DGKB: variants seen among roughly 807,000 people sequenced by gnomAD.
The protein encoded by DGKB is diacylglycerol kinase beta, also known as 90 kDa diacylglycerol kinase.
Under a neutral mutation model 114.3 loss-of-function variants are expected in DGKB, and 67 were observed. That is an observed-to-expected ratio of 0.59 (90% CI 0.48 to 0.72). DGKB has a LOEUF of 0.72. Among genes scored for constraint, DGKB ranks in the 30% least tolerant of loss-of-function variants. DGKB has a pLI of 0.00. For missense variants in DGKB, 907 were observed against 975.2 expected (o/e 0.93, Z 0.93); for synonymous variants, 398 against 323.1 (o/e 1.23, Z -2.49).
rs200551985 is a variant in DGKB at position 14,912,635 on chromosome 7, CATT to C, written c.-188+62058_-188+62060del. Among the ~76,000 whole-genome samples the C allele has an allele frequency of 6.9e-3, 1,048 of 152,246 alleles. 16 individuals carry two copies. Among genetic ancestry groups the C allele is most frequent in the African/African-American group, 0.024 (999 of 41,550 alleles). ...ATGTAGATTCAGCCACAAAATTCAT[CATT>C]ATTTCTTTCCTTAGCTGCAACAAAG... On this transcript the variant is annotated intron_variant, in intron 1 of 4. Coordinates refer to the DGKB transcript ENST00000437998.
chr7:14,688,694 G>A (rs1045569930), intron 9 of DGKB, among the ~76,000 whole-genome samples: 2 of 152,118 alleles, frequency 1.3e-5, no homozygotes, highest in Non-Finnish European at 2.9e-5. Context: ...ATGCTGAGAA[G>A]GAACTTTACA....
chr7:14,639,070 T>TAA (rs76586892), intron 13 of DGKB, among the ~76,000 whole-genome samples: 17 of 151,324 alleles, frequency 1.1e-4, no homozygotes, highest in African/African-American at 2.2e-4. Flanking sequence ...TTTATTAAAT[T>TAA]AAAAAAAACA....
At chr7:14,299,727 A>G (rs1803181704) in intron 23 of DGKB, among the ~76,000 whole-genome samples, 2 of 152,120 alleles carry the variant, frequency 1.3e-5, no homozygotes, top group African/African-American at 4.8e-5. Flanking sequence ...AAGAAGCCAC[A>G]GTGCATCAAC....
intron 23 of DGKB, among the ~76,000 whole-genome samples, chr7:14,273,614 T>C (rs1798576768): frequency 6.6e-6 from 1 of 152,218 alleles, no homozygotes; most frequent in African/African-American, 2.4e-5. Flanking sequence ...ATTAGTTGAA[T>C]GGTAAATTTT....
intron 23 of DGKB, among the ~76,000 whole-genome samples, chr7:14,330,559 C>A (rs559181041): frequency 8.8e-4 from 134 of 152,026 alleles, no homozygotes; most frequent in African/African-American, 3.1e-3. Context: ...AAAGTTATAG[C>A]ATTATACTTC....
At chr7:14,360,160 G>T (rs188394981) in intron 21 of DGKB, among the ~76,000 whole-genome samples, 16 of 152,202 alleles carry the variant, frequency 1.1e-4, no homozygotes, top group Admixed American at 8.5e-4. Flanking sequence ...CATGTCCTTT[G>T]CAGGGTCATG....
chr7:14,349,476 T>A (rs1379018672), intron 21 of DGKB, among the ~76,000 whole-genome samples: 2 of 152,184 alleles, frequency 1.3e-5, no homozygotes, highest in Admixed American at 6.6e-5. Flanking sequence ...ATTAGCATTA[T>A]GTGTGTTTCT....
intron 21 of DGKB, among the ~76,000 whole-genome samples, chr7:14,430,227 G>A (rs1049075602): frequency 2.6e-5 from 4 of 152,008 alleles, no homozygotes; most frequent in South Asian, 4.2e-4. Context: ...CAAGATATAC[G>A]CCTTTAGATG....
intron 1 of DGKB, among the ~76,000 whole-genome samples, chr7:14,841,846 T>C (rs972984105): frequency 2.6e-5 from 4 of 152,236 alleles, no homozygotes; most frequent in South Asian, 2.1e-4. Context: ...TTTCCAATCA[T>C]ATGAATTAAT....
At chr7:14,432,184 A>T (rs1828548106) in intron 21 of DGKB, among the ~76,000 whole-genome samples, 1 of 152,230 alleles carries the variant, frequency 6.6e-6, no homozygotes, top group Non-Finnish European at 1.5e-5. Flanking sequence ...TGCAAAGTAT[A>T]GAAGTTGCTA....
intron 21 of DGKB, among the ~76,000 whole-genome samples, chr7:14,396,573 G>A (rs764599021): frequency 3.9e-5 from 6 of 152,124 alleles, no homozygotes; most frequent in African/African-American, 1.4e-4. Context: ...GCTGTTTTGA[G>A]CTTGGATTTG....
At chr7:14,214,409 T>G (rs1788627204) in intron 23 of DGKB, among the ~76,000 whole-genome samples, 1 of 152,078 alleles carries the variant, frequency 6.6e-6, no homozygotes, top group Non-Finnish European at 1.5e-5. Context: ...AAAGAAAAAT[T>G]TAATGTTTAG....
At position 14,148,407 on chromosome 7, in the gene DGKB, G is replaced by A. The variant is rs1293814621; in HGVS notation, c.*724C>T. ...TATGAATTCTCTCCTAGATTCTCAT[G>A]CAGAAAGGAACAAGGCTTGCCATAT... is the stretch of plus-strand genomic sequence containing the variant. On this transcript the variant is annotated 3_prime_UTR_variant, in exon 26 of 26. Transcript: ENST00000402815. The A allele has an allele frequency of 6.6e-6, 1 of 152,538 alleles. No individual in the cohort carries two copies. Among genetic ancestry groups the A allele is most frequent in the African/African-American group, 2.4e-5 (1 of 41,434 alleles). 9.4% of individuals were successfully genotyped at this position (152,538 alleles called of 1,614,324 possible). A position where few individuals can be genotyped will look rare whatever the true frequency, so the allele number is the denominator to read the frequency against.
chr7:14,806,085 T>C (rs1842764970), intron 2 of DGKB, among the ~76,000 whole-genome samples: 1 of 151,890 alleles, frequency 6.6e-6, no homozygotes, highest in Non-Finnish European at 1.5e-5. Context: ...TTTATAAATT[T>C]ACATTACAAA....
intron 20 of DGKB, among the ~76,000 whole-genome samples, chr7:14,492,660 C>T (rs1277402436): frequency 6.6e-6 from 1 of 151,968 alleles, no homozygotes; most frequent in African/African-American, 2.4e-5. Context: ...AGTTCTAGAC[C>T]TGATGTATTT....
chr7:14,555,074 A>G (rs1045871672), intron 20 of DGKB, among the ~76,000 whole-genome samples: 9 of 152,292 alleles, frequency 5.9e-5, no homozygotes, highest in Middle Eastern at 6.8e-3. Flanking sequence ...TTCTTCTAAT[A>G]TAAGTGTATT....
intron 1 of DGKB, among the ~76,000 whole-genome samples, chr7:14,870,652 G>A (rs538408336): frequency 9.9e-4 from 150 of 151,994 alleles, no homozygotes; most frequent in African/African-American, 3.4e-3. Context: ...AAAAACACCC[G>A]GGCATGGTGG....
intron 21 of DGKB, among the ~76,000 whole-genome samples, chr7:14,369,459 T>C (rs1033515680): frequency 1.3e-5 from 2 of 152,182 alleles, no homozygotes; most frequent in African/African-American, 4.8e-5. Flanking sequence ...CTGGGTCAAA[T>C]GGTATTTCTG....
intron 1 of DGKB, among the ~76,000 whole-genome samples, chr7:14,910,440 T>A (rs1318189964): frequency 6.6e-6 from 1 of 152,092 alleles, no homozygotes; most frequent in Non-Finnish European, 1.5e-5. Flanking sequence ...AGAAAAAGAC[T>A]GGAAGACATA....
Sources: allele counts gnomAD v4.1 joint callset (sites outside exome capture counted in the v4.1 genomes callset), GRCh38; gene constraint gnomAD v4.1.1; transcripts MANE v1.5; gene names NCBI Gene and HGNC (gene_info 2026-07-23, HGNC 2026-07-21).